NFE2: variants seen among roughly 807,000 people sequenced by gnomAD.
NFE2 encodes the protein transcription factor NF-E2 45 kDa subunit.
In NFE2, 13 loss-of-function variants were observed where a neutral mutation model predicts 25.8. The ratio of observed to expected loss-of-function variants is 0.50; its 90% CI spans 0.33 to 0.80. The LOEUF is 0.80. Ranked by LOEUF, NFE2 falls within the 30% of genes least tolerant of loss-of-function variation. The pLI is 0.02. For synonymous variants in NFE2, 204 were observed against 200.2 expected (o/e 1.02, Z -0.16); for missense variants, 382 against 478.9 (o/e 0.80, Z 1.89).
At chr12:54,296,391 CAG>C (rs950212145) in intron 1 of NFE2, among the ~76,000 whole-genome samples, 7 of 123,154 alleles carry the variant, frequency 5.7e-5, no homozygotes, top group African/African-American at 2.0e-4. Context: ...GCCTGGCTGA[CAG>C]AGTTAGACTA....
Position 54,292,193 on chromosome 12 carries a change from C to G in NFE2, c.*181G>C. 1.6e-6 allele frequency: 1 copy of G among 636,392 alleles called. No individual in the cohort carries two copies. The highest frequency in any genetic ancestry group is 2.8e-5 in the East Asian group (1 of 36,248). 39.4% of individuals were successfully genotyped at this position (636,392 alleles called of 1,614,324 possible). ...GGAGCCGAGTCAGGGAAGACAGATT[C>G]CAGCCCTCCCTCAAGGCAAGCCTCT... On this transcript the variant is annotated 3_prime_UTR_variant, in exon 3 of 3. Transcript: ENST00000435572.
intron 2 of NFE2, among the ~76,000 whole-genome samples, chr12:54,294,796 GGAA>G (rs1258889321): frequency 6.6e-6 from 1 of 152,168 alleles, no homozygotes; most frequent in East Asian, 1.9e-4. Context: ...AGGTAATGAG[GGAA>G]GAAGATGGCA....
rs567642760 is a variant in NFE2, at chr12:54,294,448, C to G, written c.114+687G>C. ...TAGGGCAGATCCTGAGGGTGCTAAG[C>G]ATGGTAGCAGGGTAGTAAAAGGGGG... On this transcript the variant is annotated intron_variant, in intron 2 of 2. Coordinates refer to ENST00000435572, the MANE Select transcript of NFE2 (RefSeq NM_001136023.3). Among the ~76,000 whole-genome samples, 3 of 152,202 alleles carry G rather than the reference C, an allele frequency of 2.0e-5. No homozygotes were observed. In the South Asian group the frequency reaches 6.2e-4, roughly 32 times the overall value.
intron 2 of NFE2, among the ~76,000 whole-genome samples, chr12:54,294,662 G>C (rs1476831536): frequency 6.6e-6 from 1 of 152,130 alleles, no homozygotes; most frequent in Non-Finnish European, 1.5e-5. Context: ...CAAGCCAACA[G>C]ACACCCCTTT....
chr12:54,293,826 A>C (rs1213184254), intron 2 of NFE2, among the ~76,000 whole-genome samples: 1 of 151,768 alleles, frequency 6.6e-6, no homozygotes, highest in African/African-American at 2.4e-5. Flanking sequence ...AGCCTGGGCG[A>C]CAGAGCAAGA....
intron 1 of NFE2, among the ~76,000 whole-genome samples, chr12:54,299,546 A>T (rs1461621600): frequency 6.6e-6 from 1 of 152,218 alleles, no homozygotes; most frequent in Non-Finnish European, 1.5e-5. Context: ...GTCACCAGGG[A>T]CTAAAGTCCA....
chr12:54,294,880 G>C (rs1217045424), intron 2 of NFE2, among the ~76,000 whole-genome samples: 1 of 152,060 alleles, frequency 6.6e-6, no homozygotes, highest in Admixed American at 6.5e-5. Flanking sequence ...GGTAGAGAGA[G>C]ATGTGAGTCA....
intron 2 of NFE2, 121 bp downstream of exon 2, chr12:54,295,014 G>T: frequency 1.4e-6 from 1 of 740,610 alleles, no homozygotes; most frequent in Non-Finnish European, 2.3e-6. Flanking sequence ...CTTTCCCAGT[G>T]CCTGGAGCAT....
Position 54,292,838 on chromosome 12 carries a change from C to G in NFE2, c.658G>C (p.Gly220Arg), listed in dbSNP as rs773205593. ...CGTTCATCCCGACTCCCTGCCTCCC[C>G]CCGTGCAGTGGGCTTAGCCCGCACA... is the stretch of plus-strand genomic sequence containing the variant. ...GPVRAKPTAR[G>R]EAGSRDERRA... Residue 220 changes from glycine to arginine, a missense_variant, in exon 3 of 3, where the codon GGG (glycine) becomes CGG (arginine). Physicochemically the swap from Gly to Arg is moderately radical, Grantham distance 125. Transcript: ENST00000435572. 33 of 1,614,208 alleles carry G rather than the reference C, an allele frequency of 2.0e-5. No individual in the cohort carries two copies. Among genetic ancestry groups the G allele is most frequent in the East Asian group, 2.2e-5 (1 of 44,884 alleles).
At chr12:54,299,401 T>A (rs1233357184) in intron 1 of NFE2, among the ~76,000 whole-genome samples, 1 of 152,184 alleles carries the variant, frequency 6.6e-6, no homozygotes, top group East Asian at 1.9e-4. Context: ...CTGTGTTCCC[T>A]TTCTTTTACA....
chr12:54,293,628 C>A (rs1423779682), intron 2 of NFE2, among the ~76,000 whole-genome samples: 11 of 151,060 alleles, frequency 7.3e-5, no homozygotes, highest in Non-Finnish European at 1.2e-4. Context: ...GGCGGCAGAT[C>A]ACCTGAGGTC....
At chr12:54,298,832 C>T (rs1004963422) in intron 1 of NFE2, among the ~76,000 whole-genome samples, 4 of 152,060 alleles carry the variant, frequency 2.6e-5, no homozygotes, top group African/African-American at 9.7e-5. Flanking sequence ...GGGTGGATCA[C>T]CTGAGGTCAG....
At chr12:54,297,356 C>CAAA (rs35611028) in intron 1 of NFE2, among the ~76,000 whole-genome samples, 12 of 49,996 alleles carry the variant, frequency 2.4e-4, no homozygotes, top group African/African-American at 8.1e-4. Context: ...GACCCTGTCT[C>CAAA]AAAAAAAAAA....
chr12:54,293,110 A>G lies in NFE2; in HGVS notation c.386T>C (p.Ile129Thr), dbSNP rs1279970302. 3.3e-6 allele frequency: 5 copies of G among 1,523,956 alleles called. No homozygotes were observed. The highest frequency in any genetic ancestry group is 3.5e-6 in the Non-Finnish European group (4 of 1,137,400). 94.4% of individuals were successfully genotyped at this position (1,523,956 alleles called of 1,614,324 possible). A position where few individuals can be genotyped will look rare whatever the true frequency, so the allele number is the denominator to read the frequency against. The change falls in exon 3 of 3, where the codon ATT (isoleucine) becomes ACT (threonine). Residue 129 changes from isoleucine (I) to threonine (T), a missense_variant. Physicochemically the swap from Ile to Thr is moderately conservative, Grantham distance 89. Transcript: ENST00000435572. Reference protein sequence around the residue: ...PLQDPLALLDIGLPAGPPKPQ... With the variant: ...PLQDPLALLDTGLPAGPPKPQ... ...CTTAGGTGGCCCTGCTGGCAGCCCA[A>G]TGTCCAGGAGGGCTAAGGGGTCTTG...
intron 1 of NFE2, among the ~76,000 whole-genome samples, chr12:54,296,535 C>A (rs1007764760): frequency 6.6e-6 from 1 of 151,938 alleles, no homozygotes; most frequent in Non-Finnish European, 1.5e-5. Context: ...ACTATAATGT[C>A]TTCTAGGCAC....
rs78513468 is a variant in NFE2 at position 54,299,050 on chromosome 12, C to CAA, written c.-57+1749_-57+1750dup. Among the ~76,000 whole-genome samples the CAA allele has an allele frequency of 1.8e-3, 216 of 119,916 alleles. 4 individuals are homozygous for CAA. The highest frequency in any genetic ancestry group is 6.1e-3 in the African/African-American group (199 of 32,632). 78.7% of individuals were successfully genotyped at this position (119,916 alleles called of 152,430 possible). On this transcript the variant is annotated intron_variant, in intron 1 of 2. Transcript: ENST00000435572. ...TGGGCAACAGAGTAAGACTCTGTCTCAAAAAAAAAAAAAAAGAAGGGGAGC... is the reference window on the plus strand; with the variant it reads ...TGGGCAACAGAGTAAGACTCTGTCTCAAAAAAAAAAAAAAAAAGAAGGGGAGC...
chr12:54,293,329 TA>T lies in NFE2; in HGVS notation c.166del (p.Tyr56ThrfsTer55). 6.3e-7 allele frequency: 1 copy of T among 1,586,272 alleles called. No homozygotes were observed. Among genetic ancestry groups the T allele is most frequent in the South Asian group, 1.2e-5 (1 of 86,766 alleles). Reference protein sequence around the residue: ...PSFEPQAPAPYLGPPPPTTYC... With the variant: ...PSFEPQAPAPXLGPPPPTTYC... The stretch of plus-strand genomic sequence containing the variant: ...AGTTGTGGGTGGTGGAGGTCCAAGG[TA>T]TGGAGCTGGGGCTTGGGGCTCAAAT... On this transcript the variant is annotated frameshift_variant, in exon 3 of 3. Transcript: ENST00000435572. LOFTEE classifies it high-confidence loss of function.
At chr12:54,299,957 A>G (rs376824851) in intron 1 of NFE2, among the ~76,000 whole-genome samples, 9 of 152,252 alleles carry the variant, frequency 5.9e-5, no homozygotes, top group African/African-American at 1.9e-4. Context: ...ATGAAGGGGA[A>G]AAAAAGGAGG....
intron 2 of NFE2, 56 bp from the exon 3 acceptor site, chr12:54,293,437 C>G (rs746285185): frequency 3.6e-6 from 5 of 1,388,110 alleles, no homozygotes; most frequent in East Asian, 2.5e-5. Flanking sequence ...GAAACCAACA[C>G]TCTCTCAGGA....
Sources: allele counts gnomAD v4.1 joint callset (sites outside exome capture counted in the v4.1 genomes callset), GRCh38; gene constraint gnomAD v4.1.1; transcripts MANE v1.5; gene names NCBI Gene and HGNC (gene_info 2026-07-23, HGNC 2026-07-21).